The following NR4A3 variants were observed in gnomAD, a reference collection of about 807,000 sequenced individuals.
NR4A3 encodes nuclear receptor subfamily 4 group A member 3, also known as chondrosarcoma, extraskeletal myxoid, fused to EWS.
Under a neutral mutation model 55.6 loss-of-function variants are expected in NR4A3, and 13 were observed. That is an observed-to-expected ratio of 0.23 (90% CI 0.15 to 0.37). The LOEUF (loss-of-function observed/expected upper bound fraction) is 0.37. NR4A3 is among the 10% of genes least tolerant of loss of function. The pLI is 1.00. For synonymous variants in NR4A3, 342 were observed against 357.9 expected (o/e 0.96, Z 0.50); for missense variants, 646 against 822.8 (o/e 0.79, Z 2.63).
chr9:99,849,732 C>T (rs1305076039), intron 7 of NR4A3, among the ~76,000 whole-genome samples: 8 of 152,226 alleles, frequency 5.3e-5, no homozygotes, highest in Admixed American at 1.3e-4. Context: ...TCCATGGCAA[C>T]GAGTGTTGAG....
At chr9:99,859,895 C>T (rs937662568) in intron 7 of NR4A3, among the ~76,000 whole-genome samples, 4 of 152,218 alleles carry the variant, frequency 2.6e-5, no homozygotes, top group East Asian at 1.9e-4. Flanking sequence ...CTGAGAAAGG[C>T]GTCTCTCCCT....
At chr9:99,845,521 T>A (rs1188031241) in intron 6 of NR4A3, among the ~76,000 whole-genome samples, 2 of 152,230 alleles carry the variant, frequency 1.3e-5, no homozygotes, top group Non-Finnish European at 2.9e-5. Flanking sequence ...AAATAGCCTG[T>A]TTAACTCCAT....
chr9:99,824,750 G>A (rs1170653106), intron 1 of NR4A3, among the ~76,000 whole-genome samples: 1 of 152,246 alleles, frequency 6.6e-6, no homozygotes, highest in Non-Finnish European at 1.5e-5. Flanking sequence ...CTATAGGCCG[G>A]AGTTTGGGCA....
Position 99,828,482 on chromosome 9 carries a change from C to T in NR4A3, c.440C>T (p.Ala147Val). 6.3e-7 allele frequency: 1 copy of T among 1,578,568 alleles called. No homozygotes were observed. The highest frequency in any genetic ancestry group is 8.6e-7 in the Non-Finnish European group (1 of 1,164,038). ...CCACCGTCCACCCCCACCACGCCGG[C>T]CTTCCCCCCGCAGGCGGGGGCGTTA... is the stretch of plus-strand genomic sequence containing the variant. ...QSPPSTPTTP[A>V]FPPQAGALWD... is the part of the protein sequence containing the mutation. The change falls in exon 3 of 8, where the codon GCC (alanine) becomes GTC (valine). Residue 147 changes from alanine to valine, a missense_variant. Physicochemically the swap from Ala to Val is moderately conservative, Grantham distance 64 (BLOSUM62 0). Transcript: ENST00000395097. This position sits in a 1 kb window ranked among gnomAD's most constrained non-coding sequence, Gnocchi z 7.7.
rs1453966837 is a variant in NR4A3, at chr9:99,827,288, G to GTA, written c.-2-752_-2-751insAT. ...TGTGTGTGTGTGTGTGTGTGTGTGT[G>GTA]TGTATATATATATATATGGGTGGGT... is the stretch of plus-strand genomic sequence containing the variant. On this transcript the variant is annotated intron_variant, in intron 2 of 7. Coordinates refer to ENST00000395097, the MANE Select transcript of NR4A3 (RefSeq NM_006981.4). 4.6e-3 allele frequency among the ~76,000 whole-genome samples: 620 copies of GTA among 135,920 alleles called. 5 individuals are homozygous for GTA. Among genetic ancestry groups the GTA allele is most frequent in the African/African-American group, 0.016 (573 of 36,820 alleles). The allele number at this position is 135,920 out of a possible 152,430, so 89.2% of individuals were successfully genotyped here.
chr9:99,829,106 A>C (rs1271046583), intron 3 of NR4A3, 113 bp downstream of exon 3: 2 of 1,170,116 alleles, frequency 1.7e-6, no homozygotes, highest in Non-Finnish European at 2.2e-6. Context: ...TAATCGGCAC[A>C]TCATGCTTTC....
chr9:99,851,840 C>T (rs955923835), intron 7 of NR4A3, among the ~76,000 whole-genome samples: 1 of 152,084 alleles, frequency 6.6e-6, no homozygotes, highest in Non-Finnish European at 1.5e-5. Context: ...AATAAGAAGC[C>T]CCCTCACCAA....
chr9:99,827,600 C>A (rs1344852901), intron 2 of NR4A3, among the ~76,000 whole-genome samples: 1 of 152,216 alleles, frequency 6.6e-6, no homozygotes, highest in African/African-American at 2.4e-5. Flanking sequence ...GTTTACAAAT[C>A]AATGTGTATG....
chr9:99,832,880 A>C, intron 4 of NR4A3, 62 bp downstream of exon 4: 1 of 1,379,876 alleles, frequency 7.2e-7, no homozygotes, highest in Non-Finnish European at 9.6e-7. Flanking sequence ...CAGTGAAAAA[A>C]AGCTAATATT....
chr9:99,858,475 A>G (rs1359887373), intron 7 of NR4A3, among the ~76,000 whole-genome samples: 1 of 152,236 alleles, frequency 6.6e-6, no homozygotes, highest in Non-Finnish European at 1.5e-5. Flanking sequence ...AGTGTGATCT[A>G]TCTGTCGCAT....
Position 99,866,851 on chromosome 9 carries a change from C to T in NR4A3, c.*2984C>T. 1 of 199,432 alleles carries T rather than the reference C, an allele frequency of 5.0e-6. No individual in the cohort carries two copies. The highest frequency in any genetic ancestry group is 1.0e-5 in the Non-Finnish European group (1 of 96,262). 12.4% of individuals were successfully genotyped at this position (199,432 alleles called of 1,614,324 possible). A position where few individuals can be genotyped will look rare whatever the true frequency, so the allele number is the denominator to read the frequency against. On this transcript the variant is annotated 3_prime_UTR_variant, in exon 8 of 8. Coordinates refer to ENST00000395097, the MANE Select transcript of NR4A3 (RefSeq NM_006981.4). The stretch of plus-strand genomic sequence containing the variant: ...TGAAAGAAATGCTCTTGTACATTAA[C>T]AATGTAAATTTAAATGATTAAATTA...
At chr9:99,853,008 C>T (rs1357269910) in intron 7 of NR4A3, among the ~76,000 whole-genome samples, 1 of 152,200 alleles carries the variant, frequency 6.6e-6, no homozygotes, top group Non-Finnish European at 1.5e-5. Context: ...GGAGAGGCCA[C>T]AGGATTTAGA....
intron 7 of NR4A3, among the ~76,000 whole-genome samples, chr9:99,860,230 T>G (rs913018498): frequency 1.9e-4 from 29 of 152,150 alleles, no homozygotes; most frequent in African/African-American, 6.5e-4. Context: ...TTTTTTAATT[T>G]TGCTTCATGG....
intron 2 of NR4A3, among the ~76,000 whole-genome samples, chr9:99,827,732 A>C (rs904431015): frequency 2.0e-5 from 3 of 152,184 alleles, no homozygotes; most frequent in Non-Finnish European, 2.9e-5. Context: ...TCTTTTTAAA[A>C]ACATCTCTGA....
At chr9:99,859,662 G>A (rs1317759948) in intron 7 of NR4A3, among the ~76,000 whole-genome samples, 2 of 152,164 alleles carry the variant, frequency 1.3e-5, no homozygotes, top group Non-Finnish European at 2.9e-5. Context: ...TTATTGAGCA[G>A]TCGCAACTGG....
intron 7 of NR4A3, among the ~76,000 whole-genome samples, chr9:99,848,433 C>A (rs1209826892): frequency 6.6e-6 from 1 of 152,144 alleles, no homozygotes; most frequent in African/African-American, 2.4e-5. Context: ...CAACCTCTGC[C>A]TCCTGGGTCC....
Position 99,828,713 on chromosome 9 carries a change from C to A in NR4A3, c.671C>A (p.Pro224Gln), listed in dbSNP as rs1465089595. Residue 224 changes from proline (P) to glutamine (Q), a missense_variant, in exon 3 of 8, where the codon CCG becomes CAG. By Grantham distance (76) the Pro-to-Gln change is moderately conservative. This residue lies in a region of NR4A3 where 426 missense variants were observed against 429.4 expected (regional missense o/e 0.99). Coordinates refer to ENST00000395097, the MANE Select transcript of NR4A3 (RefSeq NM_006981.4). The surrounding 1 kb of genome is among the most constrained non-coding windows in gnomAD (Gnocchi z 7.7). Reference protein sequence around the residue: ...DPTAAAALSLPLGAAAAAGSQ... With the variant: ...DPTAAAALSLQLGAAAAAGSQ... ...ACGGCCGCTGCCGCGCTCAGCCTGC[C>A]GCTGGGAGCCGCAGCCGCCGCGGGC... 1.5e-6 allele frequency: 2 copies of A among 1,305,964 alleles called. No homozygotes were observed. The highest frequency in any genetic ancestry group is 3.1e-5 in the African/African-American group (2 of 64,458). The allele number at this position is 1,305,964 out of a possible 1,614,324, so 80.9% of individuals were successfully genotyped here. A position where few individuals can be genotyped will look rare whatever the true frequency, so the allele number is the denominator to read the frequency against.
intron 7 of NR4A3, among the ~76,000 whole-genome samples, chr9:99,849,833 T>C (rs1406858789): frequency 3.3e-5 from 5 of 152,132 alleles, no homozygotes; most frequent in Admixed American, 6.5e-5. Flanking sequence ...CTAGAGGACA[T>C]AGACATGCAA....
intron 7 of NR4A3, among the ~76,000 whole-genome samples, chr9:99,853,244 C>T (rs566420539): frequency 6.6e-6 from 1 of 151,924 alleles, no homozygotes; most frequent in South Asian, 2.1e-4. Context: ...CCATGAAGAG[C>T]CAGCTGTCTT....
Sources: allele counts gnomAD v4.1 joint callset (sites outside exome capture counted in the v4.1 genomes callset), GRCh38; gene constraint gnomAD v4.1.1; regional missense constraint gnomAD v4.1.1; non-coding constraint Gnocchi (gnomAD v3.1); transcripts MANE v1.5; gene names NCBI Gene and HGNC (gene_info 2026-07-23, HGNC 2026-07-21).